CRACD: variants seen among roughly 807,000 people sequenced by gnomAD.
CRACD encodes the protein capping protein inhibiting regulator of actin dynamics.
In CRACD, 56 loss-of-function variants were observed where a neutral mutation model predicts 106.8. That is an observed-to-expected ratio of 0.52 (90% CI 0.42 to 0.66). The LOEUF is 0.66. Ranked by LOEUF, CRACD falls within the 30% of genes least tolerant of loss-of-function variation. The probability of loss-of-function intolerance (pLI) is 0.00; values close to 1 mark genes in which losing one functional copy is unlikely to be tolerated. For missense variants in CRACD, 1,730 were observed against 1,623.2 expected (o/e 1.07, Z -1.13); for synonymous variants, 754 against 670.8 (o/e 1.12, Z -1.92).
intron 1 of CRACD, among the ~76,000 whole-genome samples, chr4:56,086,766 G>A (rs1478454051): frequency 6.6e-6 from 1 of 152,094 alleles, no homozygotes; most frequent in Non-Finnish European, 1.5e-5. Flanking sequence ...TGGTGAAGTT[G>A]GTGAATCAGC....
At chr4:56,294,297 A>C (rs181297072) in intron 3 of CRACD, among the ~76,000 whole-genome samples, 2 of 152,256 alleles carry the variant, frequency 1.3e-5, no homozygotes, top group Admixed American at 1.3e-4. Flanking sequence ...TGGTTATAAG[A>C]TCAATATATA....
intron 1 of CRACD, among the ~76,000 whole-genome samples, chr4:56,107,312 C>G (rs1214484517): frequency 6.6e-6 from 1 of 152,176 alleles, no homozygotes; most frequent in Non-Finnish European, 1.5e-5. Context: ...TGACCTTGAA[C>G]AGGTTATCAG....
At chr4:56,306,909 T>C (rs6836259) in intron 4 of CRACD, among the ~76,000 whole-genome samples, 6,308 of 152,270 alleles carry the variant, frequency 0.041, 340 homozygotes, top group African/African-American at 0.12. Context: ...TATAGGGTTT[T>C]AGTATTGATC....
At chr4:56,140,025 A>G (rs1735138858) in intron 1 of CRACD, among the ~76,000 whole-genome samples, 1 of 152,198 alleles carries the variant, frequency 6.6e-6, no homozygotes, top group South Asian at 2.1e-4. Context: ...CTGGATTACT[A>G]TAAACTTGTT....
chr4:56,079,120 C>T (rs1477293986), intron 1 of CRACD, among the ~76,000 whole-genome samples: 5 of 152,258 alleles, frequency 3.3e-5, no homozygotes, highest in Admixed American at 6.5e-5. Context: ...TGGAGTCCAG[C>T]GTGTCCTGCC....
chr4:56,231,765 T>C (rs1291951836), intron 2 of CRACD, among the ~76,000 whole-genome samples: 1 of 152,244 alleles, frequency 6.6e-6, no homozygotes, highest in East Asian at 1.9e-4. Flanking sequence ...TAGATGCTGC[T>C]GTTGGATTTC....
chr4:56,171,261 T>C (rs113074923), intron 1 of CRACD, among the ~76,000 whole-genome samples: 178 of 137,896 alleles, frequency 1.3e-3, no homozygotes, highest in African/African-American at 4.5e-3. Flanking sequence ...ACTTAAAGTA[T>C]AATAAAAAAA....
chr4:56,315,952 C>T lies in CRACD; in HGVS notation c.2450C>T (p.Thr817Met). The change falls in exon 8 of 11, where the codon ACG (threonine) becomes ATG (methionine). Residue 817 changes from threonine (T) to methionine (M), a missense_variant. Physicochemically the swap from Thr to Met is moderately conservative, Grantham distance 81 (BLOSUM62 -1). Transcript: ENST00000682029. This position sits in a 1 kb window ranked among gnomAD's most constrained non-coding sequence, Gnocchi z 4.1. ...PQKVVAHTEF[T>M]TSSDSETANG... is the part of the protein sequence containing the mutation. Reference sequence around the variant, plus strand: ...AAAGTGGTGGCCCACACAGAGTTCACGACCTCGTCGGACAGCGAGACTGCA... The same window carrying T: ...AAAGTGGTGGCCCACACAGAGTTCATGACCTCGTCGGACAGCGAGACTGCA... 6.2e-7 allele frequency: 1 copy of T among 1,614,230 alleles called. No homozygotes were observed. The highest frequency in any genetic ancestry group is 1.3e-5 in the African/African-American group (1 of 75,062).
chr4:56,252,740 C>G (rs1010527635), intron 2 of CRACD, among the ~76,000 whole-genome samples: 5 of 152,162 alleles, frequency 3.3e-5, no homozygotes, highest in Non-Finnish European at 7.3e-5. Flanking sequence ...GAAAAGCAAA[C>G]AGACAAACAC....
intron 1 of CRACD, among the ~76,000 whole-genome samples, chr4:56,171,537 A>G (rs1381140908): frequency 6.6e-6 from 1 of 152,152 alleles, no homozygotes; most frequent in Non-Finnish European, 1.5e-5. Context: ...GTGACTTTGA[A>G]AAGTGCAATT....
intron 2 of CRACD, among the ~76,000 whole-genome samples, chr4:56,190,268 C>T (rs1338005832): frequency 1.3e-5 from 2 of 151,854 alleles, no homozygotes; most frequent in African/African-American, 2.4e-5. Flanking sequence ...TGAATAGTGC[C>T]TCAATAAACA....
In CRACD at chr4:56,250,729, A is replaced by G. The variant is rs1376287879; in HGVS notation, c.-188-21592A>G. 3.3e-5 allele frequency among the ~76,000 whole-genome samples: 5 copies of G among 152,198 alleles called. No individual in the cohort carries two copies. In the East Asian group the frequency reaches 5.8e-4, roughly 18 times the overall value. On this transcript the variant is annotated intron_variant, in intron 2 of 10. Coordinates refer to ENST00000682029, the MANE Select transcript of CRACD (RefSeq NM_001393381.1). ...TCAGCTCTCTGAGCTTCCATTTTCT[A>G]TCTGTAAAACGTGGAAAATAATACC...
chr4:56,177,628 C>T (rs2109431487), intron 1 of CRACD, among the ~76,000 whole-genome samples: 1 of 152,262 alleles, frequency 6.6e-6, no homozygotes, highest in South Asian at 2.1e-4. Context: ...TAGAATTCAG[C>T]AGTGAAGCCA....
At chr4:56,153,017 G>A (rs1028427911) in intron 1 of CRACD, among the ~76,000 whole-genome samples, 21 of 152,064 alleles carry the variant, frequency 1.4e-4, no homozygotes, top group East Asian at 3.9e-4. Flanking sequence ...AGTGGCTCAC[G>A]CCTATAATCC....
chr4:56,088,111 CT>C (rs1221322086), intron 1 of CRACD, among the ~76,000 whole-genome samples: 2 of 151,332 alleles, frequency 1.3e-5, no homozygotes, highest in African/African-American at 4.9e-5. Context: ...GATCAGGCTC[CT>C]CCATCTCTCT....
At chr4:56,275,046 T>C (rs1742600186) in intron 3 of CRACD, among the ~76,000 whole-genome samples, 1 of 152,188 alleles carries the variant, frequency 6.6e-6, no homozygotes, top group Admixed American at 6.5e-5. Context: ...AACCAAATAC[T>C]GCATGTTCTC....
chr4:56,316,015 G>A lies in CRACD; in HGVS notation c.2513G>A (p.Gly838Glu). Residue 838 changes from glycine to glutamate, a missense_variant, in exon 8 of 11, where the codon GGA becomes GAA. Physicochemically the swap from Gly to Glu is moderately conservative, Grantham distance 98. This residue lies in a region of CRACD where 1,620 missense variants were observed against 1,481.6 expected (regional missense o/e 1.09). Coordinates refer to ENST00000682029, the MANE Select transcript of CRACD (RefSeq NM_001393381.1). ...IAKPDPVMPGGEEKASPFGIK... is the reference protein window; with the variant it reads ...IAKPDPVMPGEEEKASPFGIK... ...AAGCCAGACCCTGTGATGCCAGGTG[G>A]AGAGGAAAAAGCCTCACCGTTTGGA... is the stretch of plus-strand genomic sequence containing the variant. 1 of 1,614,224 alleles carries A rather than the reference G, an allele frequency of 6.2e-7. No homozygotes were observed. The highest frequency in any genetic ancestry group is 8.5e-7 in the Non-Finnish European group (1 of 1,180,040).
At chr4:56,089,903 G>T (rs936996010) in intron 1 of CRACD, among the ~76,000 whole-genome samples, 6 of 152,138 alleles carry the variant, frequency 3.9e-5, no homozygotes. Context: ...CAACCATTAA[G>T]AGTTTTAATC....
At chr4:56,187,309 G>A (rs1737130624) in intron 2 of CRACD, among the ~76,000 whole-genome samples, 1 of 152,128 alleles carries the variant, frequency 6.6e-6, no homozygotes, top group Admixed American at 6.5e-5. Flanking sequence ...GGGCCTCCCA[G>A]AGGTGTCATT....
Sources: allele counts gnomAD v4.1 joint callset (sites outside exome capture counted in the v4.1 genomes callset), GRCh38; gene constraint gnomAD v4.1.1; regional missense constraint gnomAD v4.1.1; non-coding constraint Gnocchi (gnomAD v3.1); transcripts MANE v1.5; gene names NCBI Gene and HGNC (gene_info 2026-07-23, HGNC 2026-07-21).